The following CDC42BPA variants were observed in gnomAD, a reference collection of about 807,000 sequenced individuals.
The protein encoded by CDC42BPA is CDC42 binding protein kinase alpha, also known as serine/threonine-protein kinase MRCK alpha.
Under a neutral mutation model 223.5 loss-of-function variants are expected in CDC42BPA, and 80 were observed. The ratio of observed to expected loss-of-function variants is 0.36; its 90% CI spans 0.30 to 0.43. The LOEUF (loss-of-function observed/expected upper bound fraction) is 0.43. Among genes scored for constraint, CDC42BPA ranks in the 20% least tolerant of loss-of-function variants. CDC42BPA has a pLI of 1.00. For synonymous variants in CDC42BPA, 694 were observed against 718.6 expected (o/e 0.97, Z 0.55); for missense variants, 1,743 against 2,099.9 (o/e 0.83, Z 3.32).
At chr1:227,314,776 AT>A (rs1215391613) in intron 1 of CDC42BPA, among the ~76,000 whole-genome samples, 1 of 123,142 alleles carries the variant, frequency 8.1e-6, no homozygotes, top group Non-Finnish European at 1.8e-5. Flanking sequence ...AAAAGACAAT[AT>A]TTTTTCAATT....
chr1:227,241,019 C>T (rs1213194691), intron 2 of CDC42BPA, among the ~76,000 whole-genome samples: 2 of 151,956 alleles, frequency 1.3e-5, no homozygotes, highest in Non-Finnish European at 2.9e-5. Context: ...AAAATACAAA[C>T]ATTTCAATTT....
chr1:227,313,034 T>C (rs1693794686), intron 1 of CDC42BPA, among the ~76,000 whole-genome samples: 1 of 152,144 alleles, frequency 6.6e-6, no homozygotes, highest in Admixed American at 6.5e-5. Context: ...TAGTTCTTTA[T>C]AGCAATGCGA....
chr1:227,217,088 G>T (rs542674680), intron 2 of CDC42BPA, among the ~76,000 whole-genome samples: 1 of 152,046 alleles, frequency 6.6e-6, no homozygotes, highest in South Asian at 2.1e-4. Flanking sequence ...CAGTTGCCAC[G>T]GAGTTCTATA....
intron 11 of CDC42BPA, among the ~76,000 whole-genome samples, chr1:227,123,225 C>T (rs995050443): frequency 3.9e-5 from 6 of 152,130 alleles, no homozygotes; most frequent in Admixed American, 3.9e-4. Context: ...TCACTTGAAC[C>T]TAGGAGGCGG....
At position 227,083,208 on chromosome 1, in the gene CDC42BPA, T is replaced by A. The variant is rs1004516628; in HGVS notation, c.2356-2191A>T. Reference sequence around the variant, plus strand: ...TTGTATGTTAGAACTTTTCATCACATCCTCTATGTCTTAGATCCTCCTTTC... The same window carrying A: ...TTGTATGTTAGAACTTTTCATCACAACCTCTATGTCTTAGATCCTCCTTTC... On this transcript the variant is annotated intron_variant, in intron 16 of 36. Coordinates refer to ENST00000366766, the MANE Select transcript of CDC42BPA (RefSeq NM_001394014.1). Among the ~76,000 whole-genome samples the A allele has an allele frequency of 2.0e-5, 3 of 152,172 alleles. No individual in the cohort carries two copies. In the South Asian group the frequency reaches 6.2e-4, roughly 32 times the overall value.
At chr1:227,219,783 G>A (rs1675512266) in intron 2 of CDC42BPA, among the ~76,000 whole-genome samples, 1 of 152,046 alleles carries the variant, frequency 6.6e-6, no homozygotes, top group South Asian at 2.1e-4. Context: ...AAACACTACA[G>A]GGTATGTAAG....
Position 227,034,640 on chromosome 1 carries a change from C to G in CDC42BPA, c.3476+15G>C. On this transcript the variant is annotated intron_variant, in intron 26 of 36. Transcript: ENST00000366766. ...TGTTGCAATGATACAAATAATTTTA[C>G]CTTCAAACTCTTACCTCATGTCAAT... The G allele has an allele frequency of 4.4e-6, 7 of 1,574,528 alleles. No homozygotes were observed. The highest frequency in any genetic ancestry group is 6.0e-6 in the Non-Finnish European group (7 of 1,158,966).
intron 1 of CDC42BPA, among the ~76,000 whole-genome samples, chr1:227,303,796 A>G (rs1166578366): frequency 6.6e-6 from 1 of 152,048 alleles, no homozygotes; most frequent in Admixed American, 6.6e-5. Flanking sequence ...CACTCTTATC[A>G]TCCTTAAAGG....
chr1:227,149,199 A>G (rs1422329999), intron 6 of CDC42BPA, among the ~76,000 whole-genome samples: 1 of 152,242 alleles, frequency 6.6e-6, no homozygotes, highest in South Asian at 2.1e-4. Flanking sequence ...ATGAATGAAA[A>G]ATATTGTTCC....
At chr1:227,112,603 T>C in intron 13 of CDC42BPA, 68 bp downstream of exon 13, 1 of 1,333,270 alleles carries the variant, frequency 7.5e-7, no homozygotes, top group East Asian at 2.4e-5. Flanking sequence ...ATATATTATA[T>C]TACTAGTCTC....
chr1:226,994,117 G>A lies in CDC42BPA; in HGVS notation c.*151C>T, dbSNP rs1320597347. 3 of 617,332 alleles carry A rather than the reference G, an allele frequency of 4.9e-6. No individual in the cohort carries two copies. Among genetic ancestry groups the A allele is most frequent in the South Asian group, 2.1e-5 (1 of 48,442 alleles). The allele number at this position is 617,332 out of a possible 1,614,324, so 38.2% of individuals were successfully genotyped here. A position where few individuals can be genotyped will look rare whatever the true frequency, so the allele number is the denominator to read the frequency against. ...GGCTGGGGGCGTGGATCTGAGAGTC[G>A]TGTCGTCAGAACTCCTGAATCCCTG... On this transcript the variant is annotated 3_prime_UTR_variant, in exon 37 of 37. Transcript: ENST00000366766. The surrounding 1 kb of genome is among the most constrained non-coding windows in gnomAD (Gnocchi z 4.0).
chr1:227,202,623 T>A (rs557107619), intron 3 of CDC42BPA, among the ~76,000 whole-genome samples: 23 of 152,146 alleles, frequency 1.5e-4, no homozygotes, highest in Admixed American at 7.2e-4. Flanking sequence ...AATTATTTTT[T>A]AAAAATAAAA....
intron 1 of CDC42BPA, among the ~76,000 whole-genome samples, chr1:227,267,732 A>T (rs966294537): frequency 2.0e-5 from 3 of 152,206 alleles, no homozygotes; most frequent in African/African-American, 7.2e-5. Context: ...GCAGCAGGAG[A>T]GCAAGCAAGG....
At position 227,253,612 on chromosome 1, in the gene CDC42BPA, ATAC is replaced by A. The variant is rs1558877617; in HGVS notation, c.270+449_270+451del. 8.8e-3 allele frequency among the ~76,000 whole-genome samples: 1,009 copies of A among 114,388 alleles called. 10 individuals carry two copies. The highest frequency in any genetic ancestry group is 0.012 in the Non-Finnish European group (576 of 47,222). The allele number at this position is 114,388 out of a possible 152,430, so 75.0% of individuals were successfully genotyped here. A position where few individuals can be genotyped will look rare whatever the true frequency, so the allele number is the denominator to read the frequency against. On this transcript the variant is annotated intron_variant, in intron 2 of 36. Coordinates refer to ENST00000366766, the MANE Select transcript of CDC42BPA (RefSeq NM_001394014.1). ...CTCCATCTCAAAAATAAATAAATAC[ATAC>A]ATACATACATACATACATACATACA...
In CDC42BPA at chr1:227,200,953, A is replaced by G. The variant is rs535718549; in HGVS notation, c.355-1301T>C. On this transcript the variant is annotated intron_variant, in intron 3 of 36. Transcript: ENST00000366766. ...TTCCTAATTACAGGTGCAGATAAAT[A>G]GCTTTATATACACTTACTGGACACC... 2.8e-4 allele frequency among the ~76,000 whole-genome samples: 42 copies of G among 152,272 alleles called. No homozygotes were observed. In the East Asian group the frequency reaches 7.7e-3, roughly 28 times the overall value.
Position 226,994,763 on chromosome 1 carries a change from G to T in CDC42BPA, c.5133+60C>A. ...AGGCCAATCCCAAGGTGGTGGGATT[G>T]CCTGGGAAGATGCCCTAGTCTTTCT... On this transcript the variant is annotated intron_variant, in intron 36 of 36. Coordinates refer to ENST00000366766, the MANE Select transcript of CDC42BPA (RefSeq NM_001394014.1). The surrounding 1 kb of genome is among the most constrained non-coding windows in gnomAD (Gnocchi z 4.0). 1 of 1,502,816 alleles carries T rather than the reference G, an allele frequency of 6.7e-7. No individual in the cohort carries two copies. The highest frequency in any genetic ancestry group is 2.3e-5 in the East Asian group (1 of 43,286). The allele number at this position is 1,502,816 out of a possible 1,614,324, so 93.1% of individuals were successfully genotyped here.
intron 5 of CDC42BPA, among the ~76,000 whole-genome samples, chr1:227,162,849 T>A (rs1220979798): frequency 1.2e-4 from 14 of 118,578 alleles, no homozygotes; most frequent in Non-Finnish European, 1.7e-4. Flanking sequence ...AAGAAAAAAA[T>A]AAAATAAAAT....
chr1:227,163,209 T>C (rs1461568309), intron 5 of CDC42BPA, among the ~76,000 whole-genome samples: 3 of 152,078 alleles, frequency 2.0e-5, no homozygotes, highest in Non-Finnish European at 4.4e-5. Flanking sequence ...AACATATATA[T>C]GTGTGTGTAT....
At chr1:227,301,860 T>C (rs2148738351) in intron 1 of CDC42BPA, among the ~76,000 whole-genome samples, 1 of 152,344 alleles carries the variant, frequency 6.6e-6, no homozygotes, top group South Asian at 2.1e-4. Flanking sequence ...TTTAGTTAGA[T>C]AAATATTAAG....
Sources: allele counts gnomAD v4.1 joint callset (sites outside exome capture counted in the v4.1 genomes callset), GRCh38; gene constraint gnomAD v4.1.1; non-coding constraint Gnocchi (gnomAD v3.1); transcripts MANE v1.5; gene names NCBI Gene and HGNC (gene_info 2026-07-23, HGNC 2026-07-21).